Variants in ANKRD42 observed in about 807,000 individuals in gnomAD.
ANKRD42 encodes the protein ankyrin repeat domain 42, also known as ankyrin repeat domain-containing protein 42.
Under a neutral mutation model 51.5 loss-of-function variants are expected in ANKRD42, and 43 were observed. The ratio of observed to expected loss-of-function variants is 0.83; its 90% CI spans 0.65 to 1.08. The LOEUF (loss-of-function observed/expected upper bound fraction) is 1.08, where lower values mean the gene tolerates loss of function less well. Among genes scored for constraint, ANKRD42 ranks in the 50% least tolerant of loss-of-function variants. The pLI, the probability that ANKRD42 is intolerant of heterozygous loss-of-function variation, is 0.00. For synonymous variants in ANKRD42, 203 were observed against 213.0 expected (o/e 0.95, Z 0.41); for missense variants, 608 against 629.3 (o/e 0.97, Z 0.36).
At chr11:83,242,026 C>T (rs1001679802) in intron 9 of ANKRD42, among the ~76,000 whole-genome samples, 1 of 152,102 alleles carries the variant, frequency 6.6e-6, no homozygotes, top group African/African-American at 2.4e-5. Context: ...TTCCTGGGCT[C>T]CTAGAGTTCC....
At chr11:83,245,440 A>G in intron 9 of ANKRD42, 58 bp from the exon 10 acceptor site, 2 of 1,505,322 alleles carry the variant, frequency 1.3e-6, no homozygotes, top group East Asian at 2.5e-5. Flanking sequence ...ACCAGCACCC[A>G]GTGGACACAT....
chr11:83,230,562 C>G (rs1328281843), intron 7 of ANKRD42, among the ~76,000 whole-genome samples: 1 of 151,978 alleles, frequency 6.6e-6, no homozygotes, highest in African/African-American at 2.4e-5. Context: ...CCAGTTCTAT[C>G]CATGTTGTTG....
At chr11:83,256,788 T>C (rs1343074178), downstream of ANKRD42, among the ~76,000 whole-genome samples, 1 of 152,074 alleles carries the variant, frequency 6.6e-6, no homozygotes, top group African/African-American at 2.4e-5. Context: ...GTGACAAGAG[T>C]GCATTTGATT....
At chr11:83,263,053 G>A (rs1188485751), downstream of ANKRD42, among the ~76,000 whole-genome samples, 1 of 152,036 alleles carries the variant, frequency 6.6e-6, no homozygotes, top group Non-Finnish European at 1.5e-5. Context: ...GTGGAGCCGG[G>A]ATTTAAGACT....
chr11:83,245,997 T>C (rs1863530512), intron 10 of ANKRD42, among the ~76,000 whole-genome samples: 1 of 152,210 alleles, frequency 6.6e-6, no homozygotes, highest in Admixed American at 6.5e-5. Context: ...GTTCACTGAT[T>C]ATAGTACCCA....
At chr11:83,234,671 T>G (rs1591000470) in intron 7 of ANKRD42, among the ~76,000 whole-genome samples, 1 of 152,242 alleles carries the variant, frequency 6.6e-6, no homozygotes, top group African/African-American at 2.4e-5. Context: ...TTCAGCATTA[T>G]CCATGCTCAT....
chr11:83,247,906 T>C (rs544890000), intron 10 of ANKRD42, 37 bp from the exon 11 acceptor site: 37 of 1,528,132 alleles, frequency 2.4e-5, no homozygotes, highest in African/African-American at 5.6e-5. Flanking sequence ...TTAGTTGACA[T>C]TGATGATTGA....
downstream of ANKRD42, among the ~76,000 whole-genome samples, chr11:83,257,892 G>A (rs922667609): frequency 1.3e-5 from 2 of 152,204 alleles, no homozygotes; most frequent in African/African-American, 4.8e-5. Flanking sequence ...TCTGTAGTGG[G>A]AAGGATTTAT....
intron 7 of ANKRD42, among the ~76,000 whole-genome samples, chr11:83,234,677 C>T (rs961391390): frequency 4.6e-5 from 7 of 152,164 alleles, no homozygotes; most frequent in Non-Finnish European, 1.0e-4. Flanking sequence ...ATTATCCATG[C>T]TCATAAATAT....
At chr11:83,207,172 A>T (rs1862108179) in intron 3 of ANKRD42, among the ~76,000 whole-genome samples, 1 of 152,164 alleles carries the variant, frequency 6.6e-6, no homozygotes, top group African/African-American at 2.4e-5. Flanking sequence ...AGACCATCAG[A>T]TCTCGTGAGA....
intron 9 of ANKRD42, 98 bp from the exon 10 acceptor site, chr11:83,245,400 C>A: frequency 3.8e-6 from 5 of 1,300,008 alleles, no homozygotes; most frequent in Non-Finnish European, 5.2e-6. Flanking sequence ...CATACAGACA[C>A]TAGTCTAGAG....
At chr11:83,232,839 C>G (rs551465686) in intron 7 of ANKRD42, among the ~76,000 whole-genome samples, 1 of 152,088 alleles carries the variant, frequency 6.6e-6, no homozygotes, top group Non-Finnish European at 1.5e-5. Context: ...TTGAAATGAT[C>G]ATATATGGTT....
At position 83,214,410 on chromosome 11, in the gene ANKRD42, A is replaced by G. The variant is rs187573869; in HGVS notation, c.586+2980A>G. 16 of 981,770 alleles carry G rather than the reference A, an allele frequency of 1.6e-5. No individual in the cohort carries two copies. The African/African-American group carries it at 2.6e-4, about 16-fold the overall frequency. 60.8% of individuals were successfully genotyped at this position (981,770 alleles called of 1,614,324 possible). A position where few individuals can be genotyped will look rare whatever the true frequency, so the allele number is the denominator to read the frequency against. ...TTTATTTTTGTATTGTCCTTTATCA[A>G]ATATACTTGATCATTTTTGTTGGTC... On this transcript the variant is annotated intron_variant, in intron 5 of 10. Coordinates refer to ENST00000533342, the MANE Select transcript of ANKRD42 (RefSeq NM_001300975.2).
Position 83,212,890 on chromosome 11 carries a change from T to C in ANKRD42, c.586+1460T>C. The C allele has an allele frequency of 2.1e-6, 3 of 1,445,118 alleles. No individual in the cohort carries two copies. In the South Asian group the frequency reaches 4.3e-5, roughly 21 times the overall value. 89.5% of individuals were successfully genotyped at this position (1,445,118 alleles called of 1,614,324 possible). On this transcript the variant is annotated intron_variant, in intron 5 of 10. Transcript: ENST00000533342. ...TTATTTTGTTCTCATTCTTTTTACT[T>C]TGTATTTTGTAAGTTTTTTTTTTTA...
chr11:83,227,747 C>T lies in ANKRD42; in HGVS notation c.788C>T (p.Thr263Ile). ...AAATGCTGAATTTTTTTATTCATAG[C>T]TTTAGCATTTCCAGGTCATGTGGCT... ...YEGKDLEDQE[T>I]LAFPGHVAAF... The change falls in exon 7 of 11, where the codon ACT becomes ATT. Residue 263 changes from threonine (T) to isoleucine (I), a missense_variant and splice_region_variant. Transcript: ENST00000533342. 6.2e-7 allele frequency: 1 copy of T among 1,606,922 alleles called. No individual in the cohort carries two copies. Among genetic ancestry groups the T allele is most frequent in the African/African-American group, 1.3e-5 (1 of 74,540 alleles).
intron 6 of ANKRD42, among the ~76,000 whole-genome samples, chr11:83,226,572 AC>A (rs1436263284): frequency 6.6e-6 from 1 of 152,234 alleles, no homozygotes; most frequent in Non-Finnish European, 1.5e-5. Flanking sequence ...TGATTTTAAG[AC>A]TTTTACTATA....
intron 5 of ANKRD42, among the ~76,000 whole-genome samples, chr11:83,212,037 T>G (rs1022916541): frequency 6.6e-6 from 1 of 152,148 alleles, no homozygotes; most frequent in African/African-American, 2.4e-5. Context: ...GTTTTTATTT[T>G]TTAACTTCAC....
At position 83,206,088 on chromosome 11, in the gene ANKRD42, G is replaced by C. The variant is rs1367025332; in HGVS notation, c.253G>C (p.Asp85His). The C allele has an allele frequency of 2.5e-6, 4 of 1,614,010 alleles. No homozygotes were observed. The highest frequency in any genetic ancestry group is 3.4e-6 in the Non-Finnish European group (4 of 1,179,904). Residue 85 changes from aspartate to histidine, a missense_variant, in exon 3 of 11, where the codon GAT (aspartate) becomes CAT (histidine). Asp to His is a moderately conservative substitution (Grantham distance 81). Transcript: ENST00000533342. ...CLHWLLWHGA[D>H]ITHVTTRGWT... ...TCATTGGCTGCTCTGGCATGGAGCT[G>C]ATATCACACACGTAACAACGAGAGG...
In ANKRD42 at chr11:83,240,682, C is replaced by A; in HGVS notation, c.1020-77C>A. On this transcript the variant is annotated intron_variant, in intron 8 of 10. Coordinates refer to ENST00000533342, the MANE Select transcript of ANKRD42 (RefSeq NM_001300975.2). ...ATGGCAGGGTGTACAGAGTGTAATC[C>A]CCTAAGTTAAGTGCAAGCTGCAGTT... 2.0e-6 allele frequency: 3 copies of A among 1,524,376 alleles called. No homozygotes were observed. In the South Asian group the frequency reaches 3.4e-5, roughly 17 times the overall value. 94.4% of individuals were successfully genotyped at this position (1,524,376 alleles called of 1,614,324 possible).
Sources: allele counts gnomAD v4.1 joint callset (sites outside exome capture counted in the v4.1 genomes callset), GRCh38; gene constraint gnomAD v4.1.1; transcripts MANE v1.5; gene names NCBI Gene and HGNC (gene_info 2026-07-23, HGNC 2026-07-21).